TENM3: variants seen among roughly 807,000 people sequenced by gnomAD.
TENM3 encodes teneurin-3.
TENM3 carries 63 observed loss-of-function variants against 255.1 expected under a neutral mutation model. The observed-to-expected ratio is 0.25, with a 90% confidence interval of 0.20 to 0.30. The LOEUF is 0.30. TENM3 is among the 10% of genes least tolerant of loss of function. The pLI is 1.00. For synonymous variants in TENM3, 1,306 were observed against 1,322.3 expected, an observed-to-expected ratio of 0.99 and a Z score of 0.27; for missense variants, 2,929 against 3,461.1, an observed-to-expected ratio of 0.85 and a Z score of 3.86.
At chr4:181,933,520 A>G in the TENM3 span, among the ~76,000 whole-genome samples, 1 of 152,146 alleles carries the variant, frequency 6.6e-6, no homozygotes, top group African/African-American at 2.4e-5. Context: ...CCAGCACCAT[A>G]TTATATTCAG....
intron 24 of TENM3, among the ~76,000 whole-genome samples, chr4:182,780,536 C>T (rs1467877828): frequency 1.2e-4 from 14 of 118,404 alleles, no homozygotes; most frequent in East Asian, 4.5e-4. Context: ...CTTGGCGATG[C>T]GGGCTCTTTT....
chr4:181,553,544 T>C, the TENM3 span, among the ~76,000 whole-genome samples: 38,553 of 151,296 alleles, frequency 0.25, 5,323 homozygotes, highest in Middle Eastern at 0.39. Flanking sequence ...CGGGTTCACG[T>C]CATTCTCCTG....
At chr4:182,013,474 C>T in the TENM3 span, among the ~76,000 whole-genome samples, 1 of 152,186 alleles carries the variant, frequency 6.6e-6, no homozygotes, top group African/African-American at 2.4e-5. Context: ...ACTTTAGAAC[C>T]ACTGAACACT....
intron 1 of TENM3, among the ~76,000 whole-genome samples, chr4:182,291,993 A>G (rs1237704382): frequency 6.6e-6 from 1 of 152,178 alleles, no homozygotes; most frequent in Admixed American, 6.5e-5. Flanking sequence ...GTCTTAGATA[A>G]GGACCCATAA....
chr4:182,673,931 T>A (rs1755439638), intron 7 of TENM3, among the ~76,000 whole-genome samples: 1 of 152,164 alleles, frequency 6.6e-6, no homozygotes, highest in African/African-American at 2.4e-5. Flanking sequence ...TCTAATACAG[T>A]ACCGGGTCAT....
At chr4:181,722,674 A>G in the TENM3 span, among the ~76,000 whole-genome samples, 1 of 152,218 alleles carries the variant, frequency 6.6e-6, no homozygotes, top group South Asian at 2.1e-4. Flanking sequence ...ATTTTAATGT[A>G]TATATATTTT....
At chr4:181,563,648 T>C in the TENM3 span, among the ~76,000 whole-genome samples, 4 of 152,230 alleles carry the variant, frequency 2.6e-5, no homozygotes, top group African/African-American at 9.6e-5. Flanking sequence ...ATTTTAATCC[T>C]GAATTTGAGA....
the TENM3 span, among the ~76,000 whole-genome samples, chr4:181,737,923 A>G: frequency 1.3e-5 from 2 of 151,512 alleles, no homozygotes; most frequent in African/African-American, 2.4e-5. Context: ...CACAATTGCC[A>G]ACTCGTATCT....
chr4:182,749,907 G>T (rs1327187530), intron 19 of TENM3, among the ~76,000 whole-genome samples: 2 of 152,102 alleles, frequency 1.3e-5, no homozygotes, highest in East Asian at 1.9e-4. Flanking sequence ...ACTCAGCTTG[G>T]TGGAGTTGCA....
the TENM3 span, among the ~76,000 whole-genome samples, chr4:181,774,936 G>C: frequency 1.5e-5 from 2 of 134,196 alleles, no homozygotes; most frequent in Non-Finnish European, 3.1e-5. Flanking sequence ...CAGATGAGTA[G>C]GTTGCGAAAA....
At chr4:182,496,173 A>G (rs909408588) in intron 3 of TENM3, among the ~76,000 whole-genome samples, 7 of 152,070 alleles carry the variant, frequency 4.6e-5, no homozygotes, top group Admixed American at 3.9e-4. Flanking sequence ...TTCTTGGTTT[A>G]CTCATATTCT....
At chr4:182,042,502 C>T in the TENM3 span, among the ~76,000 whole-genome samples, 3 of 152,274 alleles carry the variant, frequency 2.0e-5, no homozygotes, top group East Asian at 3.9e-4. Flanking sequence ...ACTCTTTGGG[C>T]TTAATGGGTT....
chr4:182,649,104 T>C (rs1381892218), intron 5 of TENM3, among the ~76,000 whole-genome samples: 2 of 151,100 alleles, frequency 1.3e-5, no homozygotes, highest in Admixed American at 1.3e-4. Flanking sequence ...AAACAGACTT[T>C]TGTAGATGCA....
At chr4:182,113,242 A>C in the TENM3 span, among the ~76,000 whole-genome samples, 1 of 152,222 alleles carries the variant, frequency 6.6e-6, no homozygotes, top group Non-Finnish European at 1.5e-5. Context: ...TAATAGACTT[A>C]AAGATTTCAT....
chr4:182,695,530 G>C (rs1359384695), intron 12 of TENM3, among the ~76,000 whole-genome samples: 2 of 152,140 alleles, frequency 1.3e-5, no homozygotes, highest in African/African-American at 4.8e-5. Context: ...AATGGGATAT[G>C]CATATGAGGT....
chr4:182,741,743 T>A (rs187247675), intron 18 of TENM3, among the ~76,000 whole-genome samples: 33 of 152,378 alleles, frequency 2.2e-4, no homozygotes, highest in Admixed American at 5.2e-4. Context: ...TTTTCTTAAA[T>A]TTGAATAAAC....
the TENM3 span, among the ~76,000 whole-genome samples, chr4:182,004,903 C>G: frequency 6.6e-6 from 1 of 151,928 alleles, no homozygotes; most frequent in East Asian, 1.9e-4. Flanking sequence ...TCCTTTACCC[C>G]CTTCTTGATG....
rs944026906 is a variant in TENM3 at position 182,288,037 on chromosome 4, A to T, written c.-75-35909A>T. 1.4e-4 allele frequency among the ~76,000 whole-genome samples: 22 copies of T among 152,144 alleles called. No individual in the cohort carries two copies. The East Asian group carries it at 4.2e-3, about 29-fold the overall frequency. ...ACCGCAACCTCTGCCTCCCGGGTTC[A>T]AGCGATTCTCCTGCCTCAGCCTCCT... On this transcript the variant is annotated intron_variant, in intron 1 of 27. Coordinates refer to ENST00000511685, the MANE Select transcript of TENM3 (RefSeq NM_001080477.4).
the TENM3 span, among the ~76,000 whole-genome samples, chr4:181,600,279 C>A: frequency 1.3e-5 from 2 of 152,118 alleles, no homozygotes; most frequent in Non-Finnish European, 2.9e-5. Flanking sequence ...TTTGAACATT[C>A]TGATTGACAC....
Sources: allele counts gnomAD v4.1 joint callset (sites outside exome capture counted in the v4.1 genomes callset), GRCh38; gene constraint gnomAD v4.1.1; transcripts MANE v1.5; gene names NCBI Gene and HGNC (gene_info 2026-07-23, HGNC 2026-07-21).